Variants in RAB34 observed in about 807,000 individuals in gnomAD.
RAB34 encodes ras-related protein Rab-34.
RAB34 carries 33 observed loss-of-function variants against 39.0 expected under a neutral mutation model. The observed-to-expected ratio is 0.85, with a 90% CI of 0.64 to 1.13. The LOEUF is 1.13. Among genes scored for constraint, RAB34 ranks in the 50% most tolerant of loss-of-function variants. The pLI is 0.00. For missense variants in RAB34, 289 were observed against 326.1 expected (o/e 0.89, Z 0.88); for synonymous variants, 135 against 125.1 (o/e 1.08, Z -0.53).
Position 28,715,202 on chromosome 17 carries a change from T to C in RAB34, c.506A>G (p.Asp169Gly). 6.2e-7 allele frequency: 1 copy of C among 1,614,060 alleles called. No individual in the cohort carries two copies. Among genetic ancestry groups the C allele is most frequent in the Non-Finnish European group, 8.5e-7 (1 of 1,179,996 alleles). ...CCCCACTGGCACACTCACACTCAGA[T>C]CCTTCTTGGAACCTACAAGGAAGAG... ...VLLFLVGSKK[D>G]LSTPAQYALM... Residue 169 changes from aspartate (D) to glycine (G), a missense_variant, in exon 7 of 10, where the codon GAT becomes GGT. Physicochemically the swap from Asp to Gly is moderately conservative, Grantham distance 94. Transcript: ENST00000395245.
Sources: gnomAD v4.1 joint callset for allele counts on GRCh38, gnomAD v4.1.1 for gene constraint, MANE v1.5 for transcripts, NCBI Gene and HGNC (gene_info 2026-07-23, HGNC 2026-07-21) for gene names.